The following DGKB variants were observed in gnomAD, a reference collection of about 807,000 sequenced individuals.
DGKB encodes 90 kDa diacylglycerol kinase.
A neutral mutation model predicts 114.3 loss-of-function variants in DGKB; 67 were observed. That is an observed-to-expected ratio of 0.59 (90% CI 0.48 to 0.72). The LOEUF (loss-of-function observed/expected upper bound fraction) is 0.72. DGKB is among the 30% of genes least tolerant of loss of function. DGKB has a pLI of 0.00. For missense variants in DGKB, 907 were observed against 975.2 expected (o/e 0.93, Z 0.93); for synonymous variants, 398 against 323.1 (o/e 1.23, Z -2.49).
In DGKB at chr7:14,727,644, A is replaced by G. The variant is rs547991848; in HGVS notation, c.322+8397T>C. On this transcript the variant is annotated intron_variant, in intron 5 of 25. Transcript: ENST00000402815. ...TAAGAAATACACCAATATATTTTAA[A>G]TATCTACTATGTGTCAGGAATTCCC... 5.9e-5 allele frequency among the ~76,000 whole-genome samples: 9 copies of G among 152,294 alleles called. No homozygotes were observed. The South Asian group carries it at 1.4e-3, about 25-fold the overall frequency.
intron 1 of DGKB, among the ~76,000 whole-genome samples, chr7:14,883,118 T>C (rs988609779): frequency 3.3e-5 from 5 of 151,788 alleles, no homozygotes; most frequent in Non-Finnish European, 7.4e-5. Context: ...TACAGTGGAG[T>C]ACTTGGTTGT....
chr7:14,839,054 C>G (rs751187150), intron 2 of DGKB, among the ~76,000 whole-genome samples: 1 of 152,108 alleles, frequency 6.6e-6, no homozygotes, highest in East Asian at 1.9e-4. Flanking sequence ...TTGTAAAACC[C>G]CATATAACCT....
At chr7:14,212,473 A>G (rs189940270) in intron 23 of DGKB, among the ~76,000 whole-genome samples, 2 of 151,704 alleles carry the variant, frequency 1.3e-5, no homozygotes, top group East Asian at 3.9e-4. Context: ...CTGGACACTT[A>G]TTCCTAGCCT....
At chr7:14,805,959 T>C (rs1013161714) in intron 2 of DGKB, among the ~76,000 whole-genome samples, 5 of 151,330 alleles carry the variant, frequency 3.3e-5, no homozygotes, top group Admixed American at 3.3e-4. Context: ...TATTCTAACT[T>C]TGATTCTTTT....
At chr7:14,628,028 C>G (rs905512557) in intron 14 of DGKB, among the ~76,000 whole-genome samples, 86 of 151,948 alleles carry the variant, frequency 5.7e-4, no homozygotes, top group African/African-American at 2.0e-3. Flanking sequence ...CTTTGTAAAC[C>G]ATACTGACTG....
chr7:14,577,123 T>C (rs1799238940), intron 19 of DGKB, among the ~76,000 whole-genome samples: 1 of 152,210 alleles, frequency 6.6e-6, no homozygotes, highest in Non-Finnish European at 1.5e-5. Context: ...AAAAGATTTT[T>C]ACAGAAAAGA....
intron 25 of DGKB, among the ~76,000 whole-genome samples, chr7:14,156,978 G>A (rs928772479): frequency 1.3e-5 from 2 of 151,996 alleles, no homozygotes; most frequent in South Asian, 2.1e-4. Flanking sequence ...TAATATTATG[G>A]TTCTTCAAAC....
intron 23 of DGKB, among the ~76,000 whole-genome samples, chr7:14,193,676 G>A (rs1006982587): frequency 9.2e-5 from 14 of 152,028 alleles, no homozygotes; most frequent in Admixed American, 3.3e-4. Context: ...CACAGACAAC[G>A]AAAGCAAAAA....
At chr7:14,386,510 C>T (rs763559035) in intron 21 of DGKB, among the ~76,000 whole-genome samples, 1 of 152,078 alleles carries the variant, frequency 6.6e-6, no homozygotes, top group African/African-American at 2.4e-5. Flanking sequence ...AGCCCTGCAG[C>T]GATAAGGTAA....
intron 25 of DGKB, among the ~76,000 whole-genome samples, chr7:14,151,467 T>TA (rs36063590): frequency 7.2e-5 from 10 of 138,072 alleles, no homozygotes; most frequent in Admixed American, 2.7e-4. Flanking sequence ...AAAAACTTTT[T>TA]AAAAAAAAAA....
In DGKB at chr7:14,723,134, G is replaced by A. The variant is rs149617896; in HGVS notation, c.323-4449C>T. Among the ~76,000 whole-genome samples the A allele has an allele frequency of 1.7e-3, 262 of 151,708 alleles. 1 individual carries two copies. Among genetic ancestry groups the A allele is most frequent in the African/African-American group, 6.2e-3 (256 of 41,316 alleles). Reference sequence around the variant, plus strand: ...AGTCCTTTTTCCTTTTAAGAAGTTTGCACTAATCTAATGGTTATTCAGAAG... The same window carrying A: ...AGTCCTTTTTCCTTTTAAGAAGTTTACACTAATCTAATGGTTATTCAGAAG... On this transcript the variant is annotated intron_variant, in intron 5 of 25. Transcript: ENST00000402815.
At position 14,623,354 on chromosome 7, in the gene DGKB, C is replaced by T. The variant is rs73059498; in HGVS notation, c.1168-1860G>A. On this transcript the variant is annotated intron_variant, in intron 14 of 25. Coordinates refer to ENST00000402815, the MANE Select transcript of DGKB (RefSeq NM_001350709.2). ...TTCAATTTCTATAATTTAGAAAGATCGGATTTTATTTGTGCAAATGTATGG... is the reference window on the plus strand; with the variant it reads ...TTCAATTTCTATAATTTAGAAAGATTGGATTTTATTTGTGCAAATGTATGG... Among the ~76,000 whole-genome samples the T allele has an allele frequency of 3.3e-5, 5 of 151,834 alleles. No homozygotes were observed. In the East Asian group the frequency reaches 7.7e-4, roughly 23 times the overall value.
rs6955327 is a variant in DGKB at position 14,737,744 on chromosome 7, C to T, written c.169-1550G>A. Among the ~76,000 whole-genome samples, 853 of 152,040 alleles carry T rather than the reference C, an allele frequency of 5.6e-3. 8 individuals carry two copies. The highest frequency in any genetic ancestry group is 0.019 in the African/African-American group (803 of 41,464). On this transcript the variant is annotated intron_variant, in intron 4 of 25. Coordinates refer to ENST00000402815, the MANE Select transcript of DGKB (RefSeq NM_001350709.2). ...ACACTTCAGATATTTATTTTGCTGG[C>T]AGTAAAAAGACTTCATTTTCTTCTA...
At chr7:14,419,737 CAGTT>C (rs1022858034) in intron 21 of DGKB, among the ~76,000 whole-genome samples, 2 of 151,962 alleles carry the variant, frequency 1.3e-5, no homozygotes, top group African/African-American at 2.4e-5. Flanking sequence ...TACAGGCTCT[CAGTT>C]AGCTCTGAAT....
At chr7:14,873,765 A>G (rs1007725989) in intron 1 of DGKB, among the ~76,000 whole-genome samples, 5 of 151,988 alleles carry the variant, frequency 3.3e-5, no homozygotes, top group African/African-American at 1.2e-4. Context: ...TTCCAAAATT[A>G]TAGATTCACG....
intron 9 of DGKB, among the ~76,000 whole-genome samples, chr7:14,690,747 G>T (rs1407643356): frequency 6.6e-6 from 1 of 152,148 alleles, no homozygotes; most frequent in Non-Finnish European, 1.5e-5. Context: ...CCAATCACTG[G>T]AACAGAGTTT....
chr7:14,407,884 C>CA (rs946230255), intron 21 of DGKB, among the ~76,000 whole-genome samples: 12 of 151,356 alleles, frequency 7.9e-5, no homozygotes, highest in Non-Finnish European at 5.9e-5. Context: ...GACTAATGTT[C>CA]AAAAAAAACC....
chr7:14,952,416 TG>T (rs1388610962), intron 1 of DGKB, among the ~76,000 whole-genome samples: 2 of 152,028 alleles, frequency 1.3e-5, no homozygotes, highest in Non-Finnish European at 2.9e-5. Context: ...CTTCCCAAAT[TG>T]ATCTACAGAA....
At chr7:14,503,103 G>A (rs1040439787) in intron 20 of DGKB, among the ~76,000 whole-genome samples, 3 of 152,034 alleles carry the variant, frequency 2.0e-5, no homozygotes, top group Non-Finnish European at 4.4e-5. Context: ...AAATATCTGC[G>A]TGCTTGTGCT....
Sources: allele counts gnomAD v4.1 joint callset (sites outside exome capture counted in the v4.1 genomes callset), GRCh38; gene constraint gnomAD v4.1.1; transcripts MANE v1.5; gene names NCBI Gene and HGNC (gene_info 2026-07-23, HGNC 2026-07-21).